The following PTPRJ variants were observed in gnomAD, a reference collection of about 807,000 sequenced individuals.
PTPRJ encodes the protein protein tyrosine phosphatase receptor type J, also known as receptor-type tyrosine-protein phosphatase eta.
PTPRJ carries 129 observed loss-of-function variants against 141.3 expected under a neutral mutation model. That is an observed-to-expected ratio of 0.91 (90% CI 0.79 to 1.06). The LOEUF is 1.06. Among genes scored for constraint, PTPRJ ranks in the 50% least tolerant of loss-of-function variants. The pLI is 0.00. For synonymous variants in PTPRJ, 610 were observed against 640.5 expected (o/e 0.95, Z 0.72); for missense variants, 1,601 against 1,679.7 (o/e 0.95, Z 0.82).
intron 19 of PTPRJ, 40 bp from the exon 20 acceptor site, chr11:48,155,761 T>C: frequency 6.7e-7 from 1 of 1,483,608 alleles, no homozygotes; most frequent in South Asian, 1.2e-5. Flanking sequence ...TACTAAAACA[T>C]TTGCTTATAA....
chr11:48,071,478 G>C (rs576684241), intron 1 of PTPRJ, among the ~76,000 whole-genome samples: 1 of 150,684 alleles, frequency 6.6e-6, no homozygotes, highest in South Asian at 2.1e-4. Flanking sequence ...CACCACGCCC[G>C]GCTAATTTTT....
At chr11:48,100,769 C>G (rs1856129632) in intron 1 of PTPRJ, among the ~76,000 whole-genome samples, 1 of 151,730 alleles carries the variant, frequency 6.6e-6, no homozygotes, top group Non-Finnish European at 1.5e-5. Context: ...ATAATCCCAG[C>G]TATTTGGGAG....
intron 11 of PTPRJ, among the ~76,000 whole-genome samples, chr11:48,140,551 G>A (rs1203591081): frequency 6.6e-6 from 1 of 152,174 alleles, no homozygotes; most frequent in African/African-American, 2.4e-5. Context: ...TAGAGCTGGT[G>A]GGAAATGCAG....
intron 8 of PTPRJ, among the ~76,000 whole-genome samples, chr11:48,131,068 ATATTTTT>A (rs1295586885): frequency 1.8e-4 from 19 of 103,142 alleles, no homozygotes; most frequent in South Asian, 9.7e-4. Context: ...ATATATATAT[ATATTTTT>A]TTTTTTTTTT....
chr11:48,075,175 A>G (rs1855369751), intron 1 of PTPRJ, among the ~76,000 whole-genome samples: 1 of 152,032 alleles, frequency 6.6e-6, no homozygotes, highest in Non-Finnish European at 1.5e-5. Flanking sequence ...ATGGAGTCTC[A>G]CTCTGTCACC....
At chr11:48,157,719 C>T (rs1215627674) in intron 21 of PTPRJ, among the ~76,000 whole-genome samples, 1 of 152,182 alleles carries the variant, frequency 6.6e-6, no homozygotes, top group Non-Finnish European at 1.5e-5. Flanking sequence ...GTGCTAGGGG[C>T]TGAGGATGGA....
At chr11:48,093,482 C>A (rs1326462238) in intron 1 of PTPRJ, among the ~76,000 whole-genome samples, 1 of 152,112 alleles carries the variant, frequency 6.6e-6, no homozygotes, top group Non-Finnish European at 1.5e-5. Flanking sequence ...AGGAAGAAAA[C>A]CTCTGCTGTC....
rs1334193953 is a variant in PTPRJ at position 47,982,212 on chromosome 11, C to G, written c.96+1204C>G. Among the ~76,000 whole-genome samples the G allele has an allele frequency of 2.0e-5, 3 of 152,216 alleles. No homozygotes were observed. The East Asian group carries it at 5.8e-4, about 29-fold the overall frequency. Reference sequence around the variant, plus strand: ...TTCCCCAGCAGGTTCTGCACAGGCTCTCCTGGGGGCCAGAAGGCAATGTGA... The same window carrying G: ...TTCCCCAGCAGGTTCTGCACAGGCTGTCCTGGGGGCCAGAAGGCAATGTGA... On this transcript the variant is annotated intron_variant, in intron 1 of 24. Transcript: ENST00000418331.
At chr11:48,075,981 C>T (rs1297600055) in intron 1 of PTPRJ, among the ~76,000 whole-genome samples, 1 of 152,198 alleles carries the variant, frequency 6.6e-6, no homozygotes, top group African/African-American at 2.4e-5. Context: ...CATCCCATTT[C>T]CATCTGAAAG....
At chr11:48,016,878 C>G (rs1219736039) in intron 1 of PTPRJ, among the ~76,000 whole-genome samples, 2 of 152,034 alleles carry the variant, frequency 1.3e-5, no homozygotes, top group African/African-American at 4.8e-5. Context: ...ATGCAGAAAA[C>G]AAGCAGATGA....
chr11:48,069,330 C>G (rs1855171961), intron 1 of PTPRJ, among the ~76,000 whole-genome samples: 1 of 151,686 alleles, frequency 6.6e-6, no homozygotes, highest in African/African-American at 2.4e-5. Context: ...GAACTCCTGA[C>G]CTCAAGAATC....
intron 1 of PTPRJ, among the ~76,000 whole-genome samples, chr11:48,052,104 C>T (rs1452969777): frequency 6.6e-6 from 1 of 152,214 alleles, no homozygotes; most frequent in Non-Finnish European, 1.5e-5. Context: ...TCTGCACTTT[C>T]TTTCTAGTGT....
At chr11:48,055,330 C>T (rs898581953) in intron 1 of PTPRJ, among the ~76,000 whole-genome samples, 3 of 152,164 alleles carry the variant, frequency 2.0e-5, no homozygotes, top group Non-Finnish European at 2.9e-5. Context: ...GCATTTTTGC[C>T]TGGCTGAATG....
In PTPRJ at chr11:48,142,974, A is replaced by T. The variant is rs754458050; in HGVS notation, c.2499A>T (p.Val833=). 5 of 1,614,064 alleles carry T rather than the reference A, an allele frequency of 3.1e-6. No homozygotes were observed. The Admixed American group carries it at 8.3e-5, about 27-fold the overall frequency. ...PNITSVSHNS[V]KVKFSGFEAS... ...TTACATCTGTCAGTCACAATTCAGT[A>T]AAGGTCAAGTTCAGTGGATTTGAAG... The change falls in exon 12 of 25, where the codon GTA becomes GTT. Residue 833 remains valine, a synonymous_variant. Coordinates refer to ENST00000418331, the MANE Select transcript of PTPRJ (RefSeq NM_002843.4).
At position 48,127,809 on chromosome 11, in the gene PTPRJ, G is replaced by A. The variant is rs748690288; in HGVS notation, c.1123G>A (p.Val375Met). 1 of 1,614,192 alleles carries A rather than the reference G, an allele frequency of 6.2e-7. No homozygotes were observed. Among genetic ancestry groups the A allele is most frequent in the Non-Finnish European group, 8.5e-7 (1 of 1,180,022 alleles). ...TATTCAGGTTTTTGACGTCACCGCTGTGAACATCAGTGCCACAAGCCTGAC... is the reference window on the plus strand; with the variant it reads ...TATTCAGGTTTTTGACGTCACCGCTATGAACATCAGTGCCACAAGCCTGAC... ...NAIQVFDVTA[V>M]NISATSLTLI... is the part of the protein sequence containing the mutation. Residue 375 changes from valine (V) to methionine (M), a missense_variant, in exon 7 of 25, where the codon GTG (valine) becomes ATG (methionine). Transcript: ENST00000418331.
intron 1 of PTPRJ, chr11:48,014,656 C>T (rs1394272072): frequency 6.6e-6 from 1 of 152,196 alleles, no homozygotes; most frequent in Non-Finnish European, 1.5e-5. Context: ...CACACATTAT[C>T]TGCTTTACCC....
At chr11:48,150,806 C>T (rs545964363) in intron 18 of PTPRJ, among the ~76,000 whole-genome samples, 84 of 152,162 alleles carry the variant, frequency 5.5e-4, no homozygotes, top group Admixed American at 8.5e-4. Flanking sequence ...CATGCACACT[C>T]GTCCTCCTGT....
chr11:48,034,990 A>G (rs1273042404), intron 1 of PTPRJ, among the ~76,000 whole-genome samples: 34 of 152,190 alleles, frequency 2.2e-4, no homozygotes, highest in Admixed American at 2.2e-3. Flanking sequence ...TTGAAGTCCA[A>G]AGCTGAGGAG....
At chr11:48,047,423 C>G (rs1050258843) in intron 1 of PTPRJ, among the ~76,000 whole-genome samples, 6 of 151,998 alleles carry the variant, frequency 3.9e-5, no homozygotes, top group Admixed American at 6.6e-5. Flanking sequence ...CTGCAGGGGT[C>G]TCCCGGTTAG....
Sources: gnomAD v4.1 joint callset for allele counts (sites outside exome capture counted in the v4.1 genomes callset) on GRCh38, gnomAD v4.1.1 for gene constraint, MANE v1.5 for transcripts, NCBI Gene and HGNC (gene_info 2026-07-23, HGNC 2026-07-21) for gene names.